The following SPON1 variants were observed in gnomAD, a reference collection of about 807,000 sequenced individuals.
SPON1 encodes the protein spondin-1.
A neutral mutation model predicts 111.7 loss-of-function variants in SPON1; 52 were observed. The ratio of observed to expected loss-of-function variants is 0.47; its 90% confidence interval spans 0.37 to 0.59. SPON1 has a LOEUF of 0.59. Ranked by LOEUF, SPON1 falls within the 20% of genes least tolerant of loss-of-function variation. The pLI is 0.00. For synonymous variants in SPON1, 410 were observed against 395.8 expected (o/e 1.04, Z -0.43); for missense variants, 957 against 1,068.5 (o/e 0.90, Z 1.46).
In SPON1 at chr11:14,255,745, C is replaced by A; in HGVS notation, c.1191C>A (p.Ile397=). The A allele has an allele frequency of 6.2e-7, 1 of 1,613,932 alleles. No individual in the cohort carries two copies. The highest frequency in any genetic ancestry group is 1.3e-5 in the African/African-American group (1 of 75,018). ...TCTATGACCCAGAGGGTGGGTCCAT[C>A]ACTCAAGTAGCCAGAGTTGTCATCG... is the stretch of plus-strand genomic sequence containing the variant. The part of the protein sequence containing the change: ...SPFYDPEGGS[I]TQVARVVIER... Residue 397 remains isoleucine, a synonymous_variant, in exon 9 of 16, where the codon ATC becomes ATA. Transcript: ENST00000576479.
intron 1 of SPON1, among the ~76,000 whole-genome samples, chr11:13,975,065 C>A (rs1463374850): frequency 6.6e-6 from 1 of 152,242 alleles, no homozygotes; most frequent in South Asian, 2.1e-4. Flanking sequence ...TCTTCGAATT[C>A]ACCCAGATAG....
chr11:14,089,428 T>G (rs1418826874), intron 5 of SPON1, among the ~76,000 whole-genome samples: 2 of 152,204 alleles, frequency 1.3e-5, no homozygotes, highest in Non-Finnish European at 2.9e-5. Context: ...GGAGGTCTAC[T>G]CCAGACCCTG....
intron 6 of SPON1, among the ~76,000 whole-genome samples, chr11:14,162,687 T>C (rs1217077245): frequency 6.6e-6 from 1 of 152,182 alleles, no homozygotes; most frequent in Non-Finnish European, 1.5e-5. Context: ...CTCACTCATA[T>C]CTCATCAATT....
At chr11:14,109,435 G>A (rs782002974) in intron 5 of SPON1, among the ~76,000 whole-genome samples, 2 of 152,134 alleles carry the variant, frequency 1.3e-5, no homozygotes, top group Non-Finnish European at 2.9e-5. Flanking sequence ...GTACAGCTGT[G>A]CACCAATAAC....
intron 6 of SPON1, among the ~76,000 whole-genome samples, chr11:14,220,502 C>CA (rs1226323792): frequency 6.6e-6 from 1 of 152,116 alleles, no homozygotes; most frequent in African/African-American, 2.4e-5. Context: ...TTTTTCCTCC[C>CA]AAATTTTCTA....
At chr11:14,258,242 A>T (rs1221844033) in intron 11 of SPON1, among the ~76,000 whole-genome samples, 2 of 152,218 alleles carry the variant, frequency 1.3e-5, no homozygotes, top group Admixed American at 1.3e-4. Flanking sequence ...GTCAGCCCAG[A>T]TTGAATCTAG....
intron 6 of SPON1, among the ~76,000 whole-genome samples, chr11:14,175,337 A>G (rs1261105615): frequency 1.3e-5 from 2 of 152,210 alleles, no homozygotes; most frequent in Admixed American, 6.5e-5. Flanking sequence ...GTATTCCCAC[A>G]TGGTCACTAA....
intron 6 of SPON1, among the ~76,000 whole-genome samples, chr11:14,242,562 C>T (rs1848940536): frequency 6.6e-6 from 1 of 152,208 alleles, no homozygotes; most frequent in Non-Finnish European, 1.5e-5. Context: ...GATCATGGCA[C>T]CCCTCACCCG....
chr11:13,966,040 G>A (rs897178585), intron 1 of SPON1, among the ~76,000 whole-genome samples: 4 of 152,126 alleles, frequency 2.6e-5, no homozygotes, highest in African/African-American at 9.7e-5. Context: ...CTCTAGACCG[G>A]AATAAAATGG....
At chr11:13,986,867 T>A (rs1419270315) in intron 2 of SPON1, among the ~76,000 whole-genome samples, 1 of 152,206 alleles carries the variant, frequency 6.6e-6, no homozygotes, top group Non-Finnish European at 1.5e-5. Context: ...TCCAGCTTCA[T>A]CCATGTCCCT....
At chr11:13,974,413 C>A (rs547586344) in intron 1 of SPON1, among the ~76,000 whole-genome samples, 4 of 151,890 alleles carry the variant, frequency 2.6e-5, no homozygotes, top group Admixed American at 2.6e-4. Context: ...AGACAGAGTG[C>A]GGAGGAAGAT....
At chr11:13,998,185 A>G (rs1848288461) in intron 2 of SPON1, among the ~76,000 whole-genome samples, 1 of 152,196 alleles carries the variant, frequency 6.6e-6, no homozygotes, top group Admixed American at 6.5e-5. Flanking sequence ...TCCCATTCAC[A>G]GGAAAGTTAA....
At chr11:14,156,343 T>G (rs1424050780) in intron 6 of SPON1, among the ~76,000 whole-genome samples, 3 of 132,618 alleles carry the variant, frequency 2.3e-5, no homozygotes, top group African/African-American at 8.0e-5. Context: ...ATGGGGTTGT[T>G]TGTTTTTTTC....
chr11:13,995,462 G>A (rs1848264517), intron 2 of SPON1, among the ~76,000 whole-genome samples: 1 of 152,118 alleles, frequency 6.6e-6, no homozygotes, highest in Admixed American at 6.5e-5. Context: ...TCTTCATAAG[G>A]TGGCTGGAGA....
chr11:14,040,601 A>C (rs997917345), intron 2 of SPON1, among the ~76,000 whole-genome samples: 1 of 152,202 alleles, frequency 6.6e-6, no homozygotes, highest in African/African-American at 2.4e-5. Context: ...TGTCCTAAAA[A>C]GAAAAGGAAT....
intron 6 of SPON1, among the ~76,000 whole-genome samples, chr11:14,171,517 T>C (rs1310104217): frequency 6.6e-6 from 1 of 152,232 alleles, no homozygotes; most frequent in African/African-American, 2.4e-5. Flanking sequence ...TTTTAGTTAT[T>C]TCTTGCCTTC....
In SPON1 at chr11:14,267,392, C is replaced by A. The variant is rs528106100; in HGVS notation, c.*1705C>A. 2.6e-5 allele frequency: 4 copies of A among 152,012 alleles called. No individual in the cohort carries two copies. The highest frequency in any genetic ancestry group is 9.6e-5 in the African/African-American group (4 of 41,484). 9.4% of individuals were successfully genotyped at this position (152,012 alleles called of 1,614,324 possible). ...AATCCTTAAATGAATTGCTTTCTCC[C>A]AAAAAAAGCACAATATAAAGAAACA... On this transcript the variant is annotated 3_prime_UTR_variant, in exon 16 of 16. Transcript: ENST00000576479.
At chr11:14,080,767 G>A (rs2133832619) in intron 5 of SPON1, among the ~76,000 whole-genome samples, 1 of 151,958 alleles carries the variant, frequency 6.6e-6, no homozygotes, top group Middle Eastern at 3.4e-3. Context: ...TTTTTTTACT[G>A]ACTTCAGATG....
At chr11:13,982,166 A>ATATGTATGTATG (rs60172146) in intron 1 of SPON1, among the ~76,000 whole-genome samples, 9,362 of 151,068 alleles carry the variant, frequency 0.062, 374 homozygotes, top group Non-Finnish European at 0.091. Flanking sequence ...AAACTTTATC[A>ATATGTATGTATG]TATGTATGTA....
Sources: allele counts gnomAD v4.1 joint callset (sites outside exome capture counted in the v4.1 genomes callset), GRCh38; gene constraint gnomAD v4.1.1; transcripts MANE v1.5; gene names NCBI Gene and HGNC (gene_info 2026-07-23, HGNC 2026-07-21).